Variants in RBFOX1 observed in about 807,000 individuals in gnomAD.
The protein encoded by RBFOX1 is RNA binding protein fox-1 homolog 1.
In RBFOX1, 8 loss-of-function variants were observed where a neutral mutation model predicts 57.7. The ratio of observed to expected loss-of-function variants is 0.14; its 90% CI spans 0.08 to 0.25. RBFOX1 has a LOEUF of 0.25. RBFOX1 is among the 10% of genes least tolerant of loss of function. RBFOX1 has a pLI of 1.00. For missense variants in RBFOX1, 611 were observed against 548.5 expected, an observed-to-expected ratio of 1.11 and a Z score of -1.14; for synonymous variants, 326 against 222.4, an observed-to-expected ratio of 1.47 and a Z score of -4.15.
chr16:6,011,709 C>T (rs1351241608), intron 4 of RBFOX1, among the ~76,000 whole-genome samples: 1 of 152,180 alleles, frequency 6.6e-6, no homozygotes, highest in African/African-American at 2.4e-5. Context: ...TTGCATGTGT[C>T]TCCCAATTTA....
intron 2 of RBFOX1, among the ~76,000 whole-genome samples, chr16:6,379,884 G>A (rs1381637586): frequency 6.6e-6 from 1 of 152,098 alleles, no homozygotes; most frequent in Non-Finnish European, 1.5e-5. Flanking sequence ...GGGATGGGAG[G>A]CATTTGAGCA....
chr16:6,699,521 A>G (rs1280717147), intron 3 of RBFOX1, among the ~76,000 whole-genome samples: 1 of 152,198 alleles, frequency 6.6e-6, no homozygotes, highest in Non-Finnish European at 1.5e-5. Context: ...CCAGTGACCT[A>G]TCAACGCTGA....
chr16:5,546,830 T>G (rs2045226982), intron 2 of RBFOX1, among the ~76,000 whole-genome samples: 1 of 152,262 alleles, frequency 6.6e-6, no homozygotes, highest in Non-Finnish European at 1.5e-5. Flanking sequence ...CAGCAACATA[T>G]TTGGAGAAAA....
intron 4 of RBFOX1, among the ~76,000 whole-genome samples, chr16:5,950,144 C>T (rs1347034933): frequency 6.6e-6 from 1 of 152,164 alleles, no homozygotes; most frequent in Admixed American, 6.5e-5. Context: ...GTAAGAATGA[C>T]TACATCATTT....
intron 1 of RBFOX1, among the ~76,000 whole-genome samples, chr16:6,295,703 G>A (rs948381203): frequency 9.9e-5 from 15 of 152,198 alleles, no homozygotes; most frequent in Non-Finnish European, 2.2e-4. Context: ...GATGCTGAAG[G>A]TACCATTACC....
At chr16:6,498,251 CAAAACA>C (rs1477785516) in intron 2 of RBFOX1, among the ~76,000 whole-genome samples, 1 of 84,432 alleles carries the variant, frequency 1.2e-5, no homozygotes, top group Non-Finnish European at 2.3e-5. Context: ...AACTCCGTCT[CAAAACA>C]AAAAAAAAAA....
Position 7,256,789 on chromosome 16 carries a change from C to A in RBFOX1, c.27+204691C>A, listed in dbSNP as rs185776948. On this transcript the variant is annotated intron_variant, in intron 4 of 15. Transcript: ENST00000550418. ...CTGTGAGTTGCATTTAACTTCGAATCTTGGACCAGTCACCAGCTCTCTCAC... is the reference window on the plus strand; with the variant it reads ...CTGTGAGTTGCATTTAACTTCGAATATTGGACCAGTCACCAGCTCTCTCAC... Among the ~76,000 whole-genome samples the A allele has an allele frequency of 1.8e-4, 28 of 152,282 alleles. No individual in the cohort carries two copies. In the East Asian group the frequency reaches 4.6e-3, roughly 25 times the overall value.
At chr16:6,087,211 C>G (rs2096099490) in intron 1 of RBFOX1, among the ~76,000 whole-genome samples, 1 of 152,184 alleles carries the variant, frequency 6.6e-6, no homozygotes, top group Non-Finnish European at 1.5e-5. Flanking sequence ...TGAAAAGTGG[C>G]ACATTTTTAG....
chr16:6,407,159 G>A (rs1369287611), intron 2 of RBFOX1, among the ~76,000 whole-genome samples: 2 of 152,018 alleles, frequency 1.3e-5, no homozygotes, highest in South Asian at 2.1e-4. Flanking sequence ...TATATTATTT[G>A]TATCTGTATC....
At chr16:6,953,303 CAG>C (rs1261978266) in intron 3 of RBFOX1, among the ~76,000 whole-genome samples, 3 of 152,106 alleles carry the variant, frequency 2.0e-5, no homozygotes, top group Non-Finnish European at 4.4e-5. Context: ...TACTCTGAAA[CAG>C]AAGATTTATG....
chr16:5,548,108 C>A (rs1245955790), intron 2 of RBFOX1, among the ~76,000 whole-genome samples: 1 of 146,286 alleles, frequency 6.8e-6, no homozygotes, highest in Non-Finnish European at 1.5e-5. Flanking sequence ...TTGCAGTGAG[C>A]TGAGATTGTG....
intron 3 of RBFOX1, among the ~76,000 whole-genome samples, chr16:6,913,254 A>G (rs2072178225): frequency 6.6e-6 from 1 of 152,126 alleles, no homozygotes; most frequent in Non-Finnish European, 1.5e-5. Flanking sequence ...TTTAACTGTT[A>G]TAAAGTAGCA....
intron 3 of RBFOX1, among the ~76,000 whole-genome samples, chr16:6,915,967 A>G (rs1341595955): frequency 6.6e-6 from 1 of 152,032 alleles, no homozygotes; most frequent in Non-Finnish European, 1.5e-5. Flanking sequence ...AGTACAAGGC[A>G]GAAAAATCCA....
intron 4 of RBFOX1, among the ~76,000 whole-genome samples, chr16:7,490,330 G>T (rs1279795248): frequency 3.3e-5 from 5 of 152,326 alleles, no homozygotes; most frequent in Non-Finnish European, 7.3e-5. Flanking sequence ...GACTAGGGGA[G>T]GCTCAGCTCT....
At chr16:6,136,429 A>T (rs138728800) in intron 1 of RBFOX1, among the ~76,000 whole-genome samples, 1 of 152,288 alleles carries the variant, frequency 6.6e-6, no homozygotes, top group East Asian at 1.9e-4. Flanking sequence ...ATACTGAGGC[A>T]ATTACAGAAA....
intron 4 of RBFOX1, among the ~76,000 whole-genome samples, chr16:5,979,155 C>T (rs1179650210): frequency 6.6e-6 from 1 of 152,188 alleles, no homozygotes; most frequent in Non-Finnish European, 1.5e-5. Flanking sequence ...GTTAAAACTC[C>T]CTTACCTGTC....
intron 3 of RBFOX1, among the ~76,000 whole-genome samples, chr16:6,965,013 T>G (rs950945775): frequency 6.6e-6 from 1 of 152,124 alleles, no homozygotes; most frequent in Non-Finnish European, 1.5e-5. Flanking sequence ...TGGAAATGAT[T>G]ATGATTGTTG....
intron 4 of RBFOX1, among the ~76,000 whole-genome samples, chr16:6,009,173 T>A (rs2152336209): frequency 6.6e-6 from 1 of 152,158 alleles, no homozygotes; most frequent in Non-Finnish European, 1.5e-5. Context: ...ACAACATTCT[T>A]CAACAGTGAT....
chr16:5,277,943 A>G (rs986048722), intron 1 of RBFOX1, among the ~76,000 whole-genome samples: 7 of 152,164 alleles, frequency 4.6e-5, no homozygotes, highest in African/African-American at 1.7e-4. Flanking sequence ...TATTGTAAAT[A>G]GTGCTGCAGT....
Sources: gnomAD v4.1 joint callset for allele counts (sites outside exome capture counted in the v4.1 genomes callset) on GRCh38, gnomAD v4.1.1 for gene constraint, MANE v1.5 for transcripts, NCBI Gene and HGNC (gene_info 2026-07-23, HGNC 2026-07-21) for gene names.